OSBPL8: variants seen among roughly 807,000 people sequenced by gnomAD.
OSBPL8 encodes oxysterol-binding protein-related protein 8.
OSBPL8 carries 59 observed loss-of-function variants against 125.5 expected under a neutral mutation model. That is an observed-to-expected ratio of 0.47 (90% CI 0.38 to 0.58). The LOEUF (loss-of-function observed/expected upper bound fraction) is 0.58. Among genes scored for constraint, OSBPL8 ranks in the 20% least tolerant of loss-of-function variants. The pLI, the probability that OSBPL8 is intolerant of heterozygous loss-of-function variation, is 0.00. For missense variants in OSBPL8, 758 were observed against 1,047.8 expected, an observed-to-expected ratio of 0.72 and a Z score of 3.82; for synonymous variants, 330 against 338.9, an observed-to-expected ratio of 0.97 and a Z score of 0.29.
intron 9 of OSBPL8, among the ~76,000 whole-genome samples, chr12:76,393,112 T>G (rs887770643): frequency 6.6e-6 from 1 of 152,194 alleles, no homozygotes; most frequent in African/African-American, 2.4e-5. Context: ...ACAAACTATC[T>G]GAAGTAACTG....
chr12:76,392,147 GT>G (rs35978999), intron 10 of OSBPL8, among the ~76,000 whole-genome samples: 92,583 of 151,982 alleles, frequency 0.61, 28,799 homozygotes, highest in East Asian at 0.9. Flanking sequence ...ACCAGGTAGA[GT>G]TAAGTCCAGT....
At chr12:76,393,556 C>T (rs1021327216) in intron 9 of OSBPL8, among the ~76,000 whole-genome samples, 16 of 146,944 alleles carry the variant, frequency 1.1e-4, no homozygotes, top group African/African-American at 3.3e-4. Flanking sequence ...TGAAAATACA[C>T]AAAAATTAGC....
intron 5 of OSBPL8, among the ~76,000 whole-genome samples, chr12:76,408,513 C>G (rs1954374728): frequency 6.7e-6 from 1 of 148,556 alleles, no homozygotes; most frequent in Admixed American, 6.7e-5. Context: ...TAACTAGCAG[C>G]TAAAAACTTA....
At chr12:76,485,077 C>A (rs552305297) in intron 2 of OSBPL8, among the ~76,000 whole-genome samples, 12 of 151,874 alleles carry the variant, frequency 7.9e-5, no homozygotes, top group African/African-American at 2.7e-4. Context: ...CCTGCCACCA[C>A]GTCCGGCTAA....
chr12:76,559,651 C>T lies in OSBPL8; in HGVS notation c.-322G>A, dbSNP rs1951216946. 6.6e-6 allele frequency: 1 copy of T among 152,260 alleles called. No individual in the cohort carries two copies. The highest frequency in any genetic ancestry group is 1.5e-5 in the Non-Finnish European group (1 of 68,068). The allele number at this position is 152,260 out of a possible 1,614,324, so 9.4% of individuals were successfully genotyped here. On this transcript the variant is annotated 5_prime_UTR_variant, in exon 1 of 24. Transcript: ENST00000261183. The stretch of plus-strand genomic sequence containing the variant: ...ACCAGCCCGGGCGGACCCCCACCTT[C>T]CCTCAGTCGGCTTGCTACCGGCAGC...
intron 6 of OSBPL8, 117 bp from the exon 7 acceptor site, chr12:76,400,091 G>A: frequency 1.4e-6 from 1 of 715,846 alleles, no homozygotes; most frequent in Non-Finnish European, 2.2e-6. Flanking sequence ...ATGGGGTTTT[G>A]TTGTACATAT....
intron 1 of OSBPL8, among the ~76,000 whole-genome samples, chr12:76,557,471 C>A (rs1447800980): frequency 6.6e-6 from 1 of 151,946 alleles, no homozygotes; most frequent in African/African-American, 2.4e-5. Context: ...AAAAATTAGC[C>A]TGGCATGGTG....
chr12:76,421,710 AAT>A (rs1869504581), intron 4 of OSBPL8, among the ~76,000 whole-genome samples: 1 of 152,072 alleles, frequency 6.6e-6, no homozygotes, highest in Admixed American at 6.6e-5. Context: ...TTTAAAAGAA[AAT>A]ATAACCCTAA....
chr12:76,403,704 G>A (rs190748464), intron 5 of OSBPL8, among the ~76,000 whole-genome samples: 27 of 152,268 alleles, frequency 1.8e-4, no homozygotes, highest in African/African-American at 6.3e-4. Context: ...CTCCTAAGCA[G>A]TGCCAAGAAA....
intron 1 of OSBPL8, among the ~76,000 whole-genome samples, chr12:76,499,595 A>C (rs1879683108): frequency 6.6e-6 from 1 of 152,140 alleles, no homozygotes; most frequent in Admixed American, 6.5e-5. Flanking sequence ...TCATGCCTGT[A>C]ATCCCAGCAC....
intron 21 of OSBPL8, 49 bp downstream of exon 21, chr12:76,369,165 A>C: frequency 6.4e-7 from 1 of 1,574,028 alleles, no homozygotes; most frequent in African/African-American, 1.4e-5. Flanking sequence ...TAGATACTAA[A>C]GATTTAACAG....
At chr12:76,464,269 A>G (rs1875108976) in intron 2 of OSBPL8, among the ~76,000 whole-genome samples, 1 of 152,188 alleles carries the variant, frequency 6.6e-6, no homozygotes. Flanking sequence ...CCTGAGCAAC[A>G]TAGTGAGACC....
intron 1 of OSBPL8, among the ~76,000 whole-genome samples, chr12:76,518,571 A>C (rs1881775521): frequency 6.6e-6 from 1 of 152,142 alleles, no homozygotes; most frequent in Non-Finnish European, 1.5e-5. Flanking sequence ...TCCCCTCCAC[A>C]CTGCCCTAGT....
At chr12:76,524,985 T>TA (rs1190382145) in intron 1 of OSBPL8, among the ~76,000 whole-genome samples, 1 of 152,064 alleles carries the variant, frequency 6.6e-6, no homozygotes, top group Non-Finnish European at 1.5e-5. Context: ...CGCCCAGCCA[T>TA]AATTACAATT....
At chr12:76,381,885 C>T (rs1057053314) in intron 15 of OSBPL8, among the ~76,000 whole-genome samples, 2 of 152,150 alleles carry the variant, frequency 1.3e-5, no homozygotes, top group Admixed American at 6.5e-5. Context: ...CAGGTGTACA[C>T]CACCATGCCC....
intron 4 of OSBPL8, among the ~76,000 whole-genome samples, chr12:76,438,378 C>T (rs557861346): frequency 2.6e-5 from 4 of 151,610 alleles, no homozygotes; most frequent in South Asian, 4.2e-4. Flanking sequence ...TTACGGCTCA[C>T]TGCAACATCA....
chr12:76,354,147 A>C lies in OSBPL8; in HGVS notation c.*1742T>G, dbSNP rs1431667641. 1 of 152,432 alleles carries C rather than the reference A, an allele frequency of 6.6e-6. No individual in the cohort carries two copies. The highest frequency in any genetic ancestry group is 1.5e-5 in the Non-Finnish European group (1 of 67,840). The allele number at this position is 152,432 out of a possible 1,614,324, so 9.4% of individuals were successfully genotyped here. A position where few individuals can be genotyped will look rare whatever the true frequency, so the allele number is the denominator to read the frequency against. Reference sequence around the variant, plus strand: ...AGAGTGTAACAGAATGTGAATACAAAAATTATATTGACAAATATAAAATAT... The same window carrying C: ...AGAGTGTAACAGAATGTGAATACAACAATTATATTGACAAATATAAAATAT... On this transcript the variant is annotated 3_prime_UTR_variant, in exon 24 of 24. Coordinates refer to ENST00000261183, the MANE Select transcript of OSBPL8 (RefSeq NM_020841.5).
chr12:76,473,953 C>G (rs1426389604), intron 2 of OSBPL8, among the ~76,000 whole-genome samples: 1 of 152,136 alleles, frequency 6.6e-6, no homozygotes. Flanking sequence ...TTTTGAATAG[C>G]TGGCGGCACA....
At chr12:76,525,925 C>T (rs1444078810) in intron 1 of OSBPL8, among the ~76,000 whole-genome samples, 1 of 152,204 alleles carries the variant, frequency 6.6e-6, no homozygotes, top group Non-Finnish European at 1.5e-5. Context: ...AACCATTGTG[C>T]TAGGTGCTTA....
Sources: allele counts gnomAD v4.1 joint callset (sites outside exome capture counted in the v4.1 genomes callset), GRCh38; gene constraint gnomAD v4.1.1; transcripts MANE v1.5; gene names NCBI Gene and HGNC (gene_info 2026-07-23, HGNC 2026-07-21).